Variants in THOC5 observed in about 807,000 individuals in gnomAD.
THOC5 encodes the protein THO complex subunit 5.
Under a neutral mutation model 92.9 loss-of-function variants are expected in THOC5, and 43 were observed. That is an observed-to-expected ratio of 0.46 (90% CI 0.36 to 0.60). The LOEUF (loss-of-function observed/expected upper bound fraction) is 0.60, where lower values mean the gene tolerates loss of function less well. THOC5 is among the 20% of genes least tolerant of loss of function. The pLI, the probability that THOC5 is intolerant of heterozygous loss-of-function variation, is 0.00. For synonymous variants in THOC5, 296 were observed against 320.1 expected, an observed-to-expected ratio of 0.92 and a Z score of 0.80; for missense variants, 659 against 849.4, an observed-to-expected ratio of 0.78 and a Z score of 2.79.
intron 3 of THOC5, 22 bp downstream of exon 3, chr22:29,544,423 CCCACCAGGTTCACGG>C: frequency 6.2e-7 from 1 of 1,602,194 alleles, no homozygotes; most frequent in African/African-American, 1.3e-5. Context: ...TCTATGTAAA[CCCACCAGGTTCACGG>C]CCACCTGGTC....
chr22:29,515,814 G>A (rs1385898360), intron 17 of THOC5, among the ~76,000 whole-genome samples: 6 of 151,972 alleles, frequency 3.9e-5, no homozygotes, highest in Non-Finnish European at 7.4e-5. Context: ...CTAGGCAACA[G>A]AGCAAGACCC....
At position 29,528,197 on chromosome 22, in the gene THOC5, A is replaced by C. The variant is rs1190234465; in HGVS notation, c.967-20T>G. 3.7e-6 allele frequency: 6 copies of C among 1,614,174 alleles called. No individual in the cohort carries two copies. The highest frequency in any genetic ancestry group is 5.1e-6 in the Non-Finnish European group (6 of 1,180,002). ...GCGCTTCTGGACAAAGGAAAGTGCC[A>C]AGCTGATGAGCATCAGTCATAGCAA... On this transcript the variant is annotated intron_variant, in intron 10 of 19. Coordinates refer to ENST00000490103, the MANE Select transcript of THOC5 (RefSeq NM_003678.5).
intron 19 of THOC5, among the ~76,000 whole-genome samples, chr22:29,510,477 G>A (rs2063202880): frequency 6.6e-6 from 1 of 152,058 alleles, no homozygotes; most frequent in African/African-American, 2.4e-5. Flanking sequence ...GCATGTCTGT[G>A]GTCCCAGCTA....
chr22:29,544,290 T>A (rs2063965683), intron 3 of THOC5, among the ~76,000 whole-genome samples, 170 bp downstream of exon 3: 1 of 152,192 alleles, frequency 6.6e-6, no homozygotes, highest in Non-Finnish European at 1.5e-5. Flanking sequence ...GGTGACTGAA[T>A]GGTGATAAGA....
intron 17 of THOC5, among the ~76,000 whole-genome samples, chr22:29,513,312 G>T (rs189529818): frequency 2.7e-5 from 4 of 150,706 alleles, no homozygotes; most frequent in African/African-American, 9.8e-5. Context: ...AGCAGAGATC[G>T]TGCCACTGCA....
At chr22:29,531,575 C>G (rs141538931) in intron 8 of THOC5, 2 of 1,200,174 alleles carry the variant, frequency 1.7e-6, no homozygotes, top group Non-Finnish European at 2.1e-6. Flanking sequence ...CTGGGTTCTG[C>G]ACCCAAGAGC....
At chr22:29,538,139 T>G (rs1242280956) in intron 6 of THOC5, among the ~76,000 whole-genome samples, 1 of 151,886 alleles carries the variant, frequency 6.6e-6, no homozygotes, top group Admixed American at 6.6e-5. Flanking sequence ...CCCGCCACCA[T>G]GCCCGGCTAA....
intron 5 of THOC5, among the ~76,000 whole-genome samples, chr22:29,542,408 C>T (rs1448117188): frequency 1.3e-5 from 2 of 152,274 alleles, no homozygotes; most frequent in Non-Finnish European, 2.9e-5. Context: ...CCCACATTCA[C>T]CCTTGCAATT....
Position 29,528,154 on chromosome 22 carries a change from C to T in THOC5, c.990G>A (p.Gly330=). Residue 330 remains glycine, a synonymous_variant, in exon 11 of 20, where the codon GGG becomes GGA. Coordinates refer to ENST00000490103, the MANE Select transcript of THOC5 (RefSeq NM_003678.5). Reference sequence around the variant, plus strand: ...CCTTGCGTTTGTCGTCCAACTGAACCCCCAGTGTGGGTCTCCGGCGCTTCT... The same window carrying T: ...CCTTGCGTTTGTCGTCCAACTGAACTCCCAGTGTGGGTCTCCGGCGCTTCT... ...QTTKRRRPTL[G]VQLDDKRKEM... is the part of the protein sequence containing the mutation. 4.3e-6 allele frequency: 7 copies of T among 1,614,102 alleles called. No individual in the cohort carries two copies. Among genetic ancestry groups the T allele is most frequent in the Non-Finnish European group, 5.9e-6 (7 of 1,180,006 alleles).
Position 29,512,131 on chromosome 22 carries a change from G to A in THOC5, c.1687C>T (p.Leu563=). The stretch of plus-strand genomic sequence containing the variant: ...GGGTTCAACACCACAGCGGCCTGCA[G>A]TTTGGCTGGGAAGAGAGGAGAGAGG... ...MALIERGTAK[L]QAAVVLNPGY... is the part of the protein sequence containing the mutation. The change falls in exon 18 of 20, where the codon CTG becomes TTG. Residue 563 remains leucine (L), a synonymous_variant. Coordinates refer to ENST00000490103, the MANE Select transcript of THOC5 (RefSeq NM_003678.5). 6.2e-7 allele frequency: 1 copy of A among 1,613,962 alleles called. No homozygotes were observed. Among genetic ancestry groups the A allele is most frequent in the East Asian group, 2.2e-5 (1 of 44,886 alleles).
At chr22:29,541,753 C>T (rs1338523866) in intron 5 of THOC5, among the ~76,000 whole-genome samples, 1 of 144,708 alleles carries the variant, frequency 6.9e-6, no homozygotes, top group African/African-American at 2.5e-5. Context: ...CCCAGCTACT[C>T]GGGAGGCTGA....
At chr22:29,527,773 G>T (rs2063571974) in intron 11 of THOC5, among the ~76,000 whole-genome samples, 1 of 152,132 alleles carries the variant, frequency 6.6e-6, no homozygotes, top group South Asian at 2.1e-4. Flanking sequence ...AAACATGTTG[G>T]TCTTACTAAA....
intron 5 of THOC5, among the ~76,000 whole-genome samples, chr22:29,541,885 AAAAAAAAAAT>A (rs2063900036): frequency 2.0e-5 from 2 of 97,686 alleles, no homozygotes; most frequent in African/African-American, 8.0e-5. Context: ...AAAAAAAAAA[AAAAAAAAAAT>A]ATATATATAT....
chr22:29,525,347 A>G (rs887434125), intron 12 of THOC5, among the ~76,000 whole-genome samples: 2 of 152,134 alleles, frequency 1.3e-5, no homozygotes, highest in South Asian at 2.1e-4. Context: ...GGCTGTCATT[A>G]CTGTGCCTCT....
chr22:29,531,634 C>A (rs2146508094), intron 8 of THOC5, 197 bp downstream of exon 8: 2 of 1,331,550 alleles, frequency 1.5e-6, no homozygotes, highest in East Asian at 5.6e-5. Context: ...TGTGAAATAC[C>A]CATCAGGTTA....
intron 2 of THOC5, chr22:29,545,217 C>G: frequency 4.6e-6 from 1 of 217,066 alleles, no homozygotes; most frequent in Admixed American, 5.5e-5. Flanking sequence ...ATGAGAATAG[C>G]ACGGGAAAGA....
intron 1 of THOC5, among the ~76,000 whole-genome samples, chr22:29,552,962 C>T (rs2064203469): frequency 6.6e-6 from 1 of 152,168 alleles, no homozygotes; most frequent in Non-Finnish European, 1.5e-5. Flanking sequence ...CTCTCTGAAA[C>T]ATGTGCTGTG....
At chr22:29,549,606 C>G (rs1193347302) in intron 1 of THOC5, among the ~76,000 whole-genome samples, 2 of 152,196 alleles carry the variant, frequency 1.3e-5, no homozygotes, top group Non-Finnish European at 2.9e-5. Flanking sequence ...AAAAGACCGA[C>G]CTAATTAATG....
chr22:29,543,287 G>A, intron 4 of THOC5, 142 bp downstream of exon 4: 5 of 591,108 alleles, frequency 8.5e-6, no homozygotes, highest in Non-Finnish European at 2.9e-6. Flanking sequence ...GGCAGAGGAT[G>A]TGGTGAGCTG....
Sources: gnomAD v4.1 joint callset for allele counts (sites outside exome capture counted in the v4.1 genomes callset) on GRCh38, gnomAD v4.1.1 for gene constraint, MANE v1.5 for transcripts, NCBI Gene and HGNC (gene_info 2026-07-23, HGNC 2026-07-21) for gene names.